Variants in RAB3C observed in about 807,000 individuals in gnomAD.
RAB3C encodes RAB3C, member RAS oncogene family, also known as ras-related protein Rab-3C.
A neutral mutation model predicts 26.4 loss-of-function variants in RAB3C; 17 were observed. That is an observed-to-expected ratio of 0.64 (90% CI 0.44 to 0.97). The LOEUF (loss-of-function observed/expected upper bound fraction) is 0.97. RAB3C is among the 50% of genes least tolerant of loss of function. The pLI, the probability that RAB3C is intolerant of heterozygous loss-of-function variation, is 0.00. For missense variants in RAB3C, 242 were observed against 281.9 expected (o/e 0.86, Z 1.01); for synonymous variants, 91 against 95.9 (o/e 0.95, Z 0.30).
At chr5:58,635,730 T>C (rs1411512594) in intron 2 of RAB3C, among the ~76,000 whole-genome samples, 1 of 152,154 alleles carries the variant, frequency 6.6e-6, no homozygotes, top group East Asian at 1.9e-4. Context: ...TTGTTTTCTT[T>C]CCTGACACAG....
intron 1 of RAB3C, among the ~76,000 whole-genome samples, chr5:58,613,385 A>G (rs1234521903): frequency 1.3e-5 from 2 of 152,142 alleles, no homozygotes; most frequent in African/African-American, 4.8e-5. Context: ...GTTAATTGTT[A>G]TTTGTCTAAA....
chr5:58,682,842 AT>A (rs1404823420), intron 2 of RAB3C, among the ~76,000 whole-genome samples: 1 of 152,190 alleles, frequency 6.6e-6, no homozygotes, highest in East Asian at 1.9e-4. Flanking sequence ...GAATCCATAT[AT>A]TTTCTCAAGA....
chr5:58,777,354 A>T (rs1742166367), intron 3 of RAB3C, among the ~76,000 whole-genome samples: 1 of 152,126 alleles, frequency 6.6e-6, no homozygotes, highest in African/African-American at 2.4e-5. Flanking sequence ...CTCTGTGTGT[A>T]TGCCAGGGTG....
intron 3 of RAB3C, among the ~76,000 whole-genome samples, chr5:58,808,835 T>C (rs1197917087): frequency 6.6e-6 from 1 of 152,192 alleles, no homozygotes; most frequent in Non-Finnish European, 1.5e-5. Flanking sequence ...ACAGAGTTTC[T>C]TACAGCTTTT....
chr5:58,747,339 A>T (rs1299582578), intron 3 of RAB3C, among the ~76,000 whole-genome samples: 5 of 152,186 alleles, frequency 3.3e-5, no homozygotes, highest in African/African-American at 1.2e-4. Context: ...ATATACTAAA[A>T]ATTATTTATA....
At chr5:58,753,538 G>C (rs757113299) in intron 3 of RAB3C, among the ~76,000 whole-genome samples, 1 of 151,974 alleles carries the variant, frequency 6.6e-6, no homozygotes, top group East Asian at 1.9e-4. Flanking sequence ...GTAGTCTTTC[G>C]AGTCAAAAAG....
At chr5:58,596,557 T>C (rs188850931) in intron 1 of RAB3C, among the ~76,000 whole-genome samples, 7,659 of 123,990 alleles carry the variant, frequency 0.062, 296 homozygotes, top group Admixed American at 0.083. Flanking sequence ...ATATAATACA[T>C]ATATTATATA....
At chr5:58,752,831 T>A (rs1261929905) in intron 3 of RAB3C, among the ~76,000 whole-genome samples, 1 of 152,176 alleles carries the variant, frequency 6.6e-6, no homozygotes, top group Non-Finnish European at 1.5e-5. Context: ...AATCATATGC[T>A]AGCTTGCCTA....
chr5:58,766,352 G>A (rs189534085), intron 3 of RAB3C, among the ~76,000 whole-genome samples: 4 of 152,030 alleles, frequency 2.6e-5, no homozygotes, highest in East Asian at 1.9e-4. Flanking sequence ...TCCTGACCTC[G>A]TGATCCACCC....
At chr5:58,780,055 C>T (rs1171056608) in intron 3 of RAB3C, among the ~76,000 whole-genome samples, 1 of 152,070 alleles carries the variant, frequency 6.6e-6, no homozygotes, top group Non-Finnish European at 1.5e-5. Context: ...TCATGAACAT[C>T]AGAAAGGTAT....
intron 1 of RAB3C, among the ~76,000 whole-genome samples, chr5:58,597,030 A>G (rs1425924259): frequency 1.0e-5 from 1 of 97,444 alleles, no homozygotes; most frequent in Non-Finnish European, 1.8e-5. Context: ...AATATAATAC[A>G]TAATATATAT....
intron 3 of RAB3C, among the ~76,000 whole-genome samples, chr5:58,774,862 T>C (rs1182139971): frequency 2.6e-5 from 4 of 152,124 alleles, no homozygotes; most frequent in African/African-American, 9.7e-5. Context: ...TGGCAGGAGC[T>C]GAGCGAGAGG....
chr5:58,711,181 C>T (rs1199563746), intron 2 of RAB3C, among the ~76,000 whole-genome samples: 1 of 152,166 alleles, frequency 6.6e-6, no homozygotes, highest in Admixed American at 6.6e-5. Flanking sequence ...CTGGCTGATC[C>T]TGAAGGACAA....
chr5:58,667,025 T>C lies in RAB3C; in HGVS notation c.252+49155T>C, dbSNP rs1439782541. ...ATCTGATGCTTTTAGACAGACTATG[T>C]GAAGTGTAAATGAATCATGGTGATA... On this transcript the variant is annotated intron_variant, in intron 2 of 4. Coordinates refer to ENST00000282878, the MANE Select transcript of RAB3C (RefSeq NM_138453.4). Among the ~76,000 whole-genome samples the C allele has an allele frequency of 2.0e-5, 3 of 152,278 alleles. No homozygotes were observed. The East Asian group carries it at 5.8e-4, about 29-fold the overall frequency.
chr5:58,653,591 A>T (rs1328131134), intron 2 of RAB3C, among the ~76,000 whole-genome samples: 1 of 152,244 alleles, frequency 6.6e-6, no homozygotes, highest in Non-Finnish European at 1.5e-5. Flanking sequence ...AGTGTGGCAC[A>T]TATACACCAT....
At chr5:58,844,648 G>C (rs150555918) in intron 4 of RAB3C, among the ~76,000 whole-genome samples, 48 of 152,294 alleles carry the variant, frequency 3.2e-4, no homozygotes, top group African/African-American at 9.9e-4. Flanking sequence ...GGAAAGGGGA[G>C]ACAAGACATT....
chr5:58,656,935 G>T (rs899138846), intron 2 of RAB3C, among the ~76,000 whole-genome samples: 1 of 152,148 alleles, frequency 6.6e-6, no homozygotes, highest in Non-Finnish European at 1.5e-5. Context: ...ACTTGCACAC[G>T]CATGTTTATA....
chr5:58,766,328 A>G (rs292959), intron 3 of RAB3C, among the ~76,000 whole-genome samples: 107,789 of 151,794 alleles, frequency 0.71, 38,399 homozygotes, highest in Middle Eastern at 0.78. Context: ...ATCTTGGCCA[A>G]GCTGTTCTTG....
chr5:58,606,214 G>A (rs1041726047), intron 1 of RAB3C, among the ~76,000 whole-genome samples: 4 of 152,308 alleles, frequency 2.6e-5, no homozygotes, highest in East Asian at 1.9e-4. Flanking sequence ...CTTCTCCCAC[G>A]GTCTTAGCAA....
Sources: gnomAD v4.1 joint callset for allele counts (sites outside exome capture counted in the v4.1 genomes callset) on GRCh38, gnomAD v4.1.1 for gene constraint, MANE v1.5 for transcripts, NCBI Gene and HGNC (gene_info 2026-07-23, HGNC 2026-07-21) for gene names.